DAB1: variants seen among roughly 807,000 people sequenced by gnomAD.
DAB1 encodes the protein DAB adaptor protein 1, also known as disabled homolog 1.
DAB1 carries 15 observed loss-of-function variants against 64.6 expected under a neutral mutation model. The ratio of observed to expected loss-of-function variants is 0.23; its 90% CI spans 0.16 to 0.36. The LOEUF is 0.36. DAB1 is among the 10% of genes least tolerant of loss of function. DAB1 has a pLI of 1.00. For missense variants in DAB1, 596 were observed against 706.7 expected (o/e 0.84, Z 1.78); for synonymous variants, 235 against 251.9 (o/e 0.93, Z 0.64).
chr1:57,949,545 TATCTAC>T (rs1285754864), intron 5 of DAB1, among the ~76,000 whole-genome samples: 5,688 of 123,158 alleles, frequency 0.046, 354 homozygotes, highest in African/African-American at 0.17. Flanking sequence ...ATCTATCATC[TATCTAC>T]ACACACACAC....
At chr1:58,475,155 T>G (rs540673841) in intron 3 of DAB1, among the ~76,000 whole-genome samples, 23 of 152,236 alleles carry the variant, frequency 1.5e-4, no homozygotes, top group African/African-American at 5.3e-4. Context: ...TTAGATTAAT[T>G]ATTAGTAGTA....
At chr1:58,282,553 A>G (rs761039373) in intron 4 of DAB1, among the ~76,000 whole-genome samples, 9 of 151,982 alleles carry the variant, frequency 5.9e-5, no homozygotes, top group Admixed American at 2.6e-4. Flanking sequence ...ATTTTAATCC[A>G]ACTAGCTAAA....
At chr1:58,408,656 GA>G (rs751615955) in intron 3 of DAB1, among the ~76,000 whole-genome samples, 1 of 152,098 alleles carries the variant, frequency 6.6e-6, no homozygotes, top group Non-Finnish European at 1.5e-5. Flanking sequence ...GGAAAAAAGA[GA>G]AAAAAATACT....
chr1:57,954,039 T>C (rs889335438), intron 5 of DAB1, among the ~76,000 whole-genome samples: 4 of 152,058 alleles, frequency 2.6e-5, no homozygotes, highest in African/African-American at 9.7e-5. Flanking sequence ...CCCTTCTGAG[T>C]GTACCATCTG....
intron 7 of DAB1, among the ~76,000 whole-genome samples, chr1:57,467,041 G>A (rs1396764443): frequency 6.6e-6 from 1 of 152,162 alleles, no homozygotes; most frequent in East Asian, 1.9e-4. Flanking sequence ...CTTGTTCACA[G>A]TTTCCACCCA....
intron 3 of DAB1, among the ~76,000 whole-genome samples, chr1:57,143,922 A>G (rs1378931552): frequency 6.6e-6 from 1 of 151,326 alleles, no homozygotes; most frequent in Non-Finnish European, 1.5e-5. Context: ...GTATATGTAT[A>G]TGTATATATA....
At chr1:58,118,501 T>C (rs188167585) in intron 5 of DAB1, among the ~76,000 whole-genome samples, 3,121 of 63,106 alleles carry the variant, frequency 0.049, 106 homozygotes, top group East Asian at 0.12. Context: ...TATATATATA[T>C]ATACACACAC....
chr1:57,277,796 T>C (rs981179738), intron 2 of DAB1, among the ~76,000 whole-genome samples: 1 of 152,174 alleles, frequency 6.6e-6, no homozygotes, highest in African/African-American at 2.4e-5. Context: ...TTTCCAACAG[T>C]CCCGTACATC....
intron 2 of DAB1, among the ~76,000 whole-genome samples, chr1:58,520,975 A>C (rs977329705): frequency 1.3e-5 from 2 of 152,220 alleles, no homozygotes; most frequent in Admixed American, 6.5e-5. Context: ...CATCCACAGA[A>C]CACCACCCGC....
chr1:58,494,122 C>A (rs1263284488), intron 3 of DAB1, among the ~76,000 whole-genome samples: 1 of 152,168 alleles, frequency 6.6e-6, no homozygotes, highest in African/African-American at 2.4e-5. Flanking sequence ...CACATGTCTA[C>A]AACTATCTGA....
intron 6 of DAB1, among the ~76,000 whole-genome samples, chr1:57,770,846 G>T (rs1236814104): frequency 3.3e-5 from 5 of 152,072 alleles, no homozygotes; most frequent in Non-Finnish European, 5.9e-5. Flanking sequence ...TGAAAAATAG[G>T]CTAGGATGGG....
intron 5 of DAB1, among the ~76,000 whole-genome samples, chr1:58,104,483 A>G (rs1651515984): frequency 6.6e-6 from 1 of 152,158 alleles, no homozygotes. Context: ...CTTGTACCCT[A>G]ACTAGCTGGT....
chr1:57,434,430 C>G (rs1685616233), intron 7 of DAB1, among the ~76,000 whole-genome samples: 1 of 152,144 alleles, frequency 6.6e-6, no homozygotes, highest in Non-Finnish European at 1.5e-5. Flanking sequence ...GGATCAAGAA[C>G]AGGCAAAATA....
intron 7 of DAB1, among the ~76,000 whole-genome samples, chr1:57,613,320 T>C (rs1212082035): frequency 6.6e-6 from 1 of 152,204 alleles, no homozygotes; most frequent in African/African-American, 2.4e-5. Context: ...CAGCTTGTCC[T>C]CATGATCTGA....
intron 2 of DAB1, among the ~76,000 whole-genome samples, chr1:57,149,219 C>G (rs1659433903): frequency 6.6e-6 from 1 of 152,020 alleles, no homozygotes; most frequent in Non-Finnish European, 1.5e-5. Context: ...TGTGGTTATA[C>G]CACATTAGCT....
intron 6 of DAB1, among the ~76,000 whole-genome samples, chr1:57,656,102 C>A (rs752170557): frequency 3.3e-5 from 5 of 152,154 alleles, no homozygotes; most frequent in Non-Finnish European, 5.9e-5. Flanking sequence ...AGAGTTCTCT[C>A]ACTCTTTTTC....
At chr1:57,919,892 T>C (rs1256747963) in intron 5 of DAB1, among the ~76,000 whole-genome samples, 4 of 152,196 alleles carry the variant, frequency 2.6e-5, no homozygotes, top group Admixed American at 6.5e-5. Flanking sequence ...TGGATTTATA[T>C]TGAAAACAAA....
intron 1 of DAB1, among the ~76,000 whole-genome samples, chr1:57,877,306 C>T (rs1196332918): frequency 6.6e-6 from 1 of 152,024 alleles, no homozygotes; most frequent in East Asian, 1.9e-4. Context: ...ACCCTCTGTC[C>T]CAGCTAAGGA....
intron 4 of DAB1, chr1:58,228,566 G>A (rs1408178167): frequency 1.4e-5 from 6 of 431,114 alleles, no homozygotes; most frequent in Admixed American, 9.2e-5. Flanking sequence ...GCAGGGGGAG[G>A]GGGGACTCTA....
Sources: allele counts gnomAD v4.1 joint callset (sites outside exome capture counted in the v4.1 genomes callset), GRCh38; gene constraint gnomAD v4.1.1; transcripts MANE v1.5; gene names NCBI Gene and HGNC (gene_info 2026-07-23, HGNC 2026-07-21).